GPR176: variants seen among roughly 807,000 people sequenced by gnomAD.
GPR176 encodes the protein G-protein coupled receptor 176.
GPR176 carries 26 observed loss-of-function variants against 35.4 expected under a neutral mutation model. That is an observed-to-expected ratio of 0.74 (90% CI 0.54 to 1.02). GPR176 has a LOEUF of 1.02. Among genes scored for constraint, GPR176 ranks in the 50% least tolerant of loss-of-function variants. The pLI, the probability that GPR176 is intolerant of heterozygous loss-of-function variation, is 0.00. For synonymous variants in GPR176, 278 were observed against 271.3 expected, an observed-to-expected ratio of 1.02 and a Z score of -0.24; for missense variants, 597 against 665.3, an observed-to-expected ratio of 0.90 and a Z score of 1.13.
chr15:39,859,982 A>G (rs2031488748), intron 1 of GPR176, among the ~76,000 whole-genome samples: 1 of 97,644 alleles, frequency 1.0e-5, no homozygotes, highest in Admixed American at 1.2e-4. Flanking sequence ...CACAATAAAA[A>G]AGGCTTAAAT....
chr15:39,847,030 GAA>G (rs1185319649), intron 1 of GPR176, among the ~76,000 whole-genome samples: 2 of 152,058 alleles, frequency 1.3e-5, no homozygotes, highest in South Asian at 4.2e-4. Flanking sequence ...CATAAAGGGA[GAA>G]AAAGTTTCTA....
chr15:39,837,312 C>T (rs1372411893), intron 1 of GPR176, among the ~76,000 whole-genome samples: 1 of 152,162 alleles, frequency 6.6e-6, no homozygotes, highest in Non-Finnish European at 1.5e-5. Context: ...TCTCTCTGTC[C>T]ACTGCCTACC....
intron 1 of GPR176, among the ~76,000 whole-genome samples, chr15:39,849,219 A>G (rs913500297): frequency 3.3e-5 from 5 of 152,170 alleles, no homozygotes; most frequent in Non-Finnish European, 5.9e-5. Flanking sequence ...CCTTAAAAAC[A>G]TAAGCTACCA....
chr15:39,900,034 G>A (rs1006896002), intron 1 of GPR176, among the ~76,000 whole-genome samples: 1 of 151,912 alleles, frequency 6.6e-6, no homozygotes. Context: ...GAGCAATAAT[G>A]TTATATAGTA....
intron 1 of GPR176, among the ~76,000 whole-genome samples, chr15:39,822,848 G>T (rs369706137): frequency 6.6e-6 from 1 of 152,134 alleles, no homozygotes; most frequent in African/African-American, 2.4e-5. Flanking sequence ...GTAGCTGTTG[G>T]AAACACCATA....
intron 1 of GPR176, among the ~76,000 whole-genome samples, chr15:39,864,866 A>G (rs2031762423): frequency 6.6e-6 from 1 of 152,026 alleles, no homozygotes; most frequent in East Asian, 1.9e-4. Flanking sequence ...TCCCATTAAA[A>G]AGTGACCAAA....
chr15:39,831,455 C>A (rs1901071619), intron 1 of GPR176, among the ~76,000 whole-genome samples: 1 of 152,116 alleles, frequency 6.6e-6, no homozygotes, highest in African/African-American at 2.4e-5. Flanking sequence ...CTCACAGACA[C>A]CTCAAAGTCA....
intron 1 of GPR176, among the ~76,000 whole-genome samples, chr15:39,881,319 A>C (rs1267312924): frequency 6.6e-6 from 1 of 152,218 alleles, no homozygotes; most frequent in Non-Finnish European, 1.5e-5. Flanking sequence ...TTTAGCATTC[A>C]ATTAATGCTG....
chr15:39,897,597 A>ATTTTTTTTT (rs1491229135), intron 1 of GPR176, among the ~76,000 whole-genome samples: 2 of 93,856 alleles, frequency 2.1e-5, no homozygotes, highest in African/African-American at 8.1e-5. Context: ...AAACATCCAA[A>ATTTTTTTTT]TATTTTTTTT....
intron 1 of GPR176, among the ~76,000 whole-genome samples, chr15:39,836,470 T>C (rs2140781476): frequency 6.6e-6 from 1 of 152,238 alleles, no homozygotes; most frequent in Non-Finnish European, 1.5e-5. Context: ...CCTGCCACCC[T>C]CCCCAGAAGC....
intron 1 of GPR176, among the ~76,000 whole-genome samples, chr15:39,874,033 T>C (rs1163464915): frequency 6.6e-6 from 1 of 152,176 alleles, no homozygotes; most frequent in African/African-American, 2.4e-5. Context: ...GAACTCAAAA[T>C]GTATTGCACG....
intron 1 of GPR176, among the ~76,000 whole-genome samples, chr15:39,874,772 G>A (rs952305435): frequency 6.6e-6 from 1 of 152,066 alleles, no homozygotes; most frequent in African/African-American, 2.4e-5. Flanking sequence ...AGCTGGGTGC[G>A]GTGGCTCATG....
intron 1 of GPR176, among the ~76,000 whole-genome samples, chr15:39,829,695 C>T (rs932360878): frequency 1.3e-5 from 2 of 152,090 alleles, no homozygotes; most frequent in African/African-American, 2.4e-5. Context: ...GATTTTAAAT[C>T]GCAACCTCAA....
In GPR176 at chr15:39,829,154, T is replaced by G. The variant is rs1028181470; in HGVS notation, c.173-21896A>C. ...CAGTTGAACTCCAGAGCCTGGGATG[T>G]GATCACTACGTCACACTGCCTTCTC... On this transcript the variant is annotated intron_variant, in intron 1 of 2. Transcript: ENST00000561100. 7 of 1,529,230 alleles carry G rather than the reference T, an allele frequency of 4.6e-6. No individual in the cohort carries two copies. In the African/African-American group the frequency reaches 9.7e-5, roughly 21 times the overall value. 94.7% of individuals were successfully genotyped at this position (1,529,230 alleles called of 1,614,324 possible). A position where few individuals can be genotyped will look rare whatever the true frequency, so the allele number is the denominator to read the frequency against.
intron 1 of GPR176, among the ~76,000 whole-genome samples, chr15:39,896,091 G>A (rs922193582): frequency 6.6e-6 from 1 of 152,046 alleles, no homozygotes; most frequent in Admixed American, 6.5e-5. Context: ...ATCTCGCTTT[G>A]TTGTCCAGGC....
chr15:39,867,916 G>A (rs906711605), intron 1 of GPR176, among the ~76,000 whole-genome samples: 1 of 152,074 alleles, frequency 6.6e-6, no homozygotes, highest in Non-Finnish European at 1.5e-5. Context: ...TGAGTGGCTG[G>A]AGGGCAAGAT....
In GPR176 at chr15:39,850,899, T is replaced by C. The variant is rs578208376; in HGVS notation, c.173-43641A>G. Among the ~76,000 whole-genome samples the C allele has an allele frequency of 2.0e-5, 3 of 152,046 alleles. No homozygotes were observed. The East Asian group carries it at 5.8e-4, about 29-fold the overall frequency. ...ACAATAGTGGCAAAAGAAAGACCTATTAGGAAAACACGAAGTTATCCAGGC... is the reference window on the plus strand; with the variant it reads ...ACAATAGTGGCAAAAGAAAGACCTACTAGGAAAACACGAAGTTATCCAGGC... On this transcript the variant is annotated intron_variant, in intron 1 of 2. Transcript: ENST00000561100.
At chr15:39,817,127 T>C (rs1301687849) in intron 1 of GPR176, among the ~76,000 whole-genome samples, 1 of 147,878 alleles carries the variant, frequency 6.8e-6, no homozygotes, top group Non-Finnish European at 1.5e-5. Context: ...TCCCAGTAGG[T>C]AGCCAGCAAG....
chr15:39,907,447 G>A (rs543770764), intron 1 of GPR176, among the ~76,000 whole-genome samples: 12 of 152,312 alleles, frequency 7.9e-5, no homozygotes, highest in African/African-American at 2.6e-4. Context: ...GGAGAGTTCT[G>A]TTTTGACAAT....
Sources: gnomAD v4.1 joint callset for allele counts (sites outside exome capture counted in the v4.1 genomes callset) on GRCh38, gnomAD v4.1.1 for gene constraint, MANE v1.5 for transcripts, NCBI Gene and HGNC (gene_info 2026-07-23, HGNC 2026-07-21) for gene names.